The following CNTN5 variants were observed in gnomAD, a reference collection of about 807,000 sequenced individuals.
The protein encoded by CNTN5 is contactin-5.
A neutral mutation model predicts 129.1 loss-of-function variants in CNTN5; 77 were observed. The observed-to-expected ratio is 0.60, with a 90% confidence interval of 0.50 to 0.72. CNTN5 has a LOEUF of 0.72. Ranked by LOEUF, CNTN5 falls within the 30% of genes least tolerant of loss-of-function variation. The pLI, the probability that CNTN5 is intolerant of heterozygous loss-of-function variation, is 0.00. For missense variants in CNTN5, 1,478 were observed against 1,328.8 expected (o/e 1.11, Z -1.75); for synonymous variants, 509 against 465.6 (o/e 1.09, Z -1.20).
At chr11:99,791,548 G>C (rs1020856667) in intron 3 of CNTN5, among the ~76,000 whole-genome samples, 1 of 151,806 alleles carries the variant, frequency 6.6e-6, no homozygotes, top group Non-Finnish European at 1.5e-5. Flanking sequence ...GTTGGGTCAC[G>C]TGATGCCTCC....
intron 3 of CNTN5, among the ~76,000 whole-genome samples, chr11:99,648,093 T>G (rs1952031107): frequency 6.6e-6 from 1 of 151,982 alleles, no homozygotes; most frequent in African/African-American, 2.4e-5. Context: ...TTGAGGTACT[T>G]TCCTTCTTTG....
chr11:99,956,185 T>C, intron 7 of CNTN5, among the ~76,000 whole-genome samples: 1 of 152,148 alleles, frequency 6.6e-6, no homozygotes, highest in Non-Finnish European at 1.5e-5. Flanking sequence ...ATATTCTAAT[T>C]ATATGAATTT....
At chr11:99,993,802 C>G (rs1051287415) in intron 8 of CNTN5, among the ~76,000 whole-genome samples, 19 of 152,070 alleles carry the variant, frequency 1.2e-4, no homozygotes, top group Non-Finnish European at 2.6e-4. Context: ...AAATGTAAAG[C>G]AAAACGTAAC....
intron 6 of CNTN5, among the ~76,000 whole-genome samples, chr11:99,866,674 C>G (rs1478493361): frequency 6.6e-6 from 1 of 152,192 alleles, no homozygotes; most frequent in Non-Finnish European, 1.5e-5. Context: ...AAGTAAAATT[C>G]TACTGTTGTA....
chr11:99,944,308 A>C (rs1950508912), intron 7 of CNTN5, among the ~76,000 whole-genome samples: 1 of 152,038 alleles, frequency 6.6e-6, no homozygotes, highest in African/African-American at 2.4e-5. Flanking sequence ...CTAGCAGGAG[A>C]CAAGAAATAA....
At chr11:100,319,500 C>T (rs1363774901) in intron 21 of CNTN5, among the ~76,000 whole-genome samples, 2 of 152,154 alleles carry the variant, frequency 1.3e-5, no homozygotes, top group East Asian at 3.8e-4. Context: ...TTATCATGTA[C>T]ATGCTTTGAA....
chr11:99,509,290 G>A (rs1007130791), intron 2 of CNTN5, among the ~76,000 whole-genome samples: 12 of 152,036 alleles, frequency 7.9e-5, no homozygotes, highest in Non-Finnish European at 1.6e-4. Flanking sequence ...TTTTCAGGGT[G>A]TACTAAAAAA....
Position 99,579,134 on chromosome 11 carries a change from T to G in CNTN5, c.55+22865T>G, listed in dbSNP as rs369149816. Among the ~76,000 whole-genome samples the G allele has an allele frequency of 4.4e-3, 665 of 152,282 alleles. 27 individuals carry two copies. In the East Asian group the frequency reaches 0.097, roughly 22 times the overall value. ...TTTGTCAGGTTTGTCAAAGATCAGA[T>G]AGTTGTAGATATGCGGCATTATTTC... On this transcript the variant is annotated intron_variant, in intron 3 of 24. Transcript: ENST00000524871.
chr11:100,291,567 A>G (rs925419792), intron 18 of CNTN5, among the ~76,000 whole-genome samples: 5 of 151,532 alleles, frequency 3.3e-5, no homozygotes, highest in East Asian at 2.0e-4. Flanking sequence ...ATGAGATCAC[A>G]TGGACACAGG....
intron 6 of CNTN5, among the ~76,000 whole-genome samples, chr11:99,904,436 C>G (rs553372913): frequency 6.6e-6 from 1 of 152,234 alleles, no homozygotes; most frequent in African/African-American, 2.4e-5. Context: ...GTGATGGTTT[C>G]CAGCTTCATC....
intron 3 of CNTN5, among the ~76,000 whole-genome samples, chr11:99,598,317 T>TCCC (rs1950194999): frequency 1.6e-5 from 1 of 63,330 alleles, no homozygotes; most frequent in African/African-American, 6.8e-5. Flanking sequence ...TTCTTTTCTT[T>TCCC]TCTTTTCTGT....
chr11:99,095,821 G>C (rs2135333462), intron 1 of CNTN5, among the ~76,000 whole-genome samples: 1 of 151,994 alleles, frequency 6.6e-6, no homozygotes, highest in Non-Finnish European at 1.5e-5. Context: ...CGAACTTTAT[G>C]TTCAGGGCAA....
chr11:100,005,022 C>T (rs560049487), intron 9 of CNTN5, among the ~76,000 whole-genome samples: 334 of 152,286 alleles, frequency 2.2e-3, no homozygotes, highest in African/African-American at 6.2e-3. Flanking sequence ...AAGAAGGTGA[C>T]AGGCAAGGGA....
chr11:99,723,786 G>A (rs1045137716), intron 3 of CNTN5, among the ~76,000 whole-genome samples: 1 of 143,566 alleles, frequency 7.0e-6, no homozygotes, highest in Non-Finnish European at 1.6e-5. Flanking sequence ...GCGTGTGCAT[G>A]CGCACGCGTG....
At chr11:99,281,719 T>C (rs1325689301) in intron 1 of CNTN5, among the ~76,000 whole-genome samples, 2 of 152,194 alleles carry the variant, frequency 1.3e-5, no homozygotes, top group African/African-American at 4.8e-5. Flanking sequence ...TTTATTAAGA[T>C]ATTGAATTTT....
At chr11:100,115,692 T>G (rs1945819944) in intron 13 of CNTN5, among the ~76,000 whole-genome samples, 1 of 152,106 alleles carries the variant, frequency 6.6e-6, no homozygotes, top group African/African-American at 2.4e-5. Flanking sequence ...AGACCTATTT[T>G]TTAATTATAA....
intron 15 of CNTN5, among the ~76,000 whole-genome samples, chr11:100,198,882 T>C (rs1260795989): frequency 6.6e-6 from 1 of 151,944 alleles, no homozygotes. Context: ...TTGAGAATTT[T>C]ATATTAGCTG....
At chr11:99,925,146 T>C (rs1021956614) in intron 7 of CNTN5, among the ~76,000 whole-genome samples, 2 of 152,166 alleles carry the variant, frequency 1.3e-5, no homozygotes, top group Admixed American at 6.5e-5. Context: ...CCTCCAGTTA[T>C]AGGTGGAATT....
chr11:99,113,482 G>A (rs1293380358), intron 1 of CNTN5, among the ~76,000 whole-genome samples: 3 of 152,034 alleles, frequency 2.0e-5, no homozygotes, highest in Non-Finnish European at 4.4e-5. Flanking sequence ...GACTAACTTG[G>A]TTACTACTGT....
Sources: gnomAD v4.1 joint callset for allele counts (sites outside exome capture counted in the v4.1 genomes callset) on GRCh38, gnomAD v4.1.1 for gene constraint, MANE v1.5 for transcripts, NCBI Gene and HGNC (gene_info 2026-07-23, HGNC 2026-07-21) for gene names.